MSANTD2: variants seen among roughly 807,000 people sequenced by gnomAD.
MSANTD2 encodes myb/SANT-like DNA-binding domain-containing protein 2.
Under a neutral mutation model 52.6 loss-of-function variants are expected in MSANTD2, and 19 were observed. The ratio of observed to expected loss-of-function variants is 0.36; its 90% CI spans 0.25 to 0.53. The LOEUF (loss-of-function observed/expected upper bound fraction) is 0.53, where lower values mean the gene tolerates loss of function less well. Among genes scored for constraint, MSANTD2 ranks in the 20% least tolerant of loss-of-function variants. The pLI is 0.91. For synonymous variants in MSANTD2, 291 were observed against 289.7 expected (o/e 1.00, Z -0.04); for missense variants, 558 against 716.3 (o/e 0.78, Z 2.52).
At chr11:124,781,791 T>C (rs1481970240) in intron 1 of MSANTD2, among the ~76,000 whole-genome samples, 3 of 152,062 alleles carry the variant, frequency 2.0e-5, no homozygotes, top group Admixed American at 6.6e-5. Context: ...TAGCTGGGAC[T>C]ACAGGCACCC....
chr11:124,771,575 A>G (rs1032205540), intron 3 of MSANTD2, among the ~76,000 whole-genome samples: 4 of 152,282 alleles, frequency 2.6e-5, no homozygotes, highest in Non-Finnish European at 4.4e-5. Flanking sequence ...TTCGAGATCA[A>G]CCTGGCCAAC....
intron 3 of MSANTD2, among the ~76,000 whole-genome samples, chr11:124,769,115 G>C (rs895517391): frequency 6.6e-6 from 1 of 152,156 alleles, no homozygotes; most frequent in African/African-American, 2.4e-5. Context: ...AACGGGCTCT[G>C]GAAGGAGCTT....
rs1490609805 is a variant in MSANTD2, at chr11:124,779,665, T to C, written c.511-4691A>G. ...GCTTAGTTATAATAGCAGGAAACAA[T>C]GTTACAAGAAAAAACAAGCAGTGAA... On this transcript the variant is annotated intron_variant, in intron 1 of 3. Coordinates refer to ENST00000374979, the MANE Select transcript of MSANTD2 (RefSeq NM_001308027.2). The surrounding 1 kb of genome is among the most constrained non-coding windows in gnomAD (Gnocchi z 4.6). Among the ~76,000 whole-genome samples the C allele has an allele frequency of 6.6e-6, 1 of 152,126 alleles. No individual in the cohort carries two copies. The highest frequency in any genetic ancestry group is 1.5e-5 in the Non-Finnish European group (1 of 68,020).
At chr11:124,770,399 A>C (rs971030726) in intron 3 of MSANTD2, among the ~76,000 whole-genome samples, 9 of 151,822 alleles carry the variant, frequency 5.9e-5, no homozygotes, top group Non-Finnish European at 1.0e-4. Context: ...CCCAGACTCA[A>C]GTAACCCCCC....
At chr11:124,780,287 G>A (rs146749735) in intron 1 of MSANTD2, among the ~76,000 whole-genome samples, 6 of 152,292 alleles carry the variant, frequency 3.9e-5, no homozygotes, top group African/African-American at 1.4e-4. Flanking sequence ...TCTGGGGCCA[G>A]CAGAACTTTT....
chr11:124,775,017 C>A, intron 1 of MSANTD2, 43 bp from the exon 2 acceptor site: 4 of 1,511,212 alleles, frequency 2.6e-6, no homozygotes, highest in Non-Finnish European at 3.5e-6. Flanking sequence ...AGCTGTACTT[C>A]CTCTTCCAGG....
Position 124,768,032 on chromosome 11 carries a change from G to T in MSANTD2, c.828-4C>A, listed in dbSNP as rs749419847. ...ATTCTGCATGATGTCTCTCTTCCTG[G>T]AAAGACAAATAAAAGTCAAATTCCC... is the stretch of plus-strand genomic sequence containing the variant. On this transcript the variant is annotated splice_region_variant and splice_polypyrimidine_tract_variant and intron_variant, in intron 3 of 3. Coordinates refer to ENST00000374979, the MANE Select transcript of MSANTD2 (RefSeq NM_001308027.2). The T allele has an allele frequency of 5.7e-6, 9 of 1,591,504 alleles. No homozygotes were observed. The highest frequency in any genetic ancestry group is 7.7e-6 in the Non-Finnish European group (9 of 1,166,410).
At chr11:124,793,248 G>A (rs1465652932) in intron 1 of MSANTD2, among the ~76,000 whole-genome samples, 1 of 152,204 alleles carries the variant, frequency 6.6e-6, no homozygotes, top group African/African-American at 2.4e-5. Context: ...TCAAGAGACA[G>A]TTGATAAAAC....
intron 1 of MSANTD2, chr11:124,783,900 T>G: frequency 1.0e-6 from 1 of 985,382 alleles, no homozygotes; most frequent in Non-Finnish European, 1.2e-6. Context: ...TGGACACTCA[T>G]ACAATGATCT....
Position 124,774,665 on chromosome 11 carries a change from T to TAA in MSANTD2, c.766+52_766+53dup. The stretch of plus-strand genomic sequence containing the variant: ...GGTAATAAGTACTGGTGCACATACA[T>TAA]AAAGGTATATAAATATACACAAACA... On this transcript the variant is annotated intron_variant, in intron 2 of 3. Transcript: ENST00000374979. The surrounding 1 kb of genome is among the most constrained non-coding windows in gnomAD (Gnocchi z 5.1). 1 of 1,554,752 alleles carries TAA rather than the reference T, an allele frequency of 6.4e-7. No homozygotes were observed. The highest frequency in any genetic ancestry group is 8.8e-7 in the Non-Finnish European group (1 of 1,136,124).
chr11:124,778,457 C>T (rs1485077943), intron 1 of MSANTD2, among the ~76,000 whole-genome samples: 1 of 152,192 alleles, frequency 6.6e-6, no homozygotes, highest in Non-Finnish European at 1.5e-5. Flanking sequence ...TGACATGATG[C>T]TGTTGTCTCC....
Position 124,767,869 on chromosome 11 carries a change from A to G in MSANTD2, c.987T>C (p.Arg329=), listed in dbSNP as rs1353974436. 2 of 1,614,140 alleles carry G rather than the reference A, an allele frequency of 1.2e-6. No homozygotes were observed. Among genetic ancestry groups the G allele is most frequent in the Non-Finnish European group, 1.7e-6 (2 of 1,180,052 alleles). ...GYNTRWKEDI[R]YHYAEISSQV... is the part of the protein sequence containing the mutation. ...GGGAGCTGATCTCAGCATAATGGTAACGGATATCCTCTTTCCAACGGGTGT... is the reference window on the plus strand; with the variant it reads ...GGGAGCTGATCTCAGCATAATGGTAGCGGATATCCTCTTTCCAACGGGTGT... The change falls in exon 4 of 4, where the codon CGT becomes CGC. Residue 329 remains arginine (R), a synonymous_variant. Transcript: ENST00000374979. The surrounding 1 kb of genome is among the most constrained non-coding windows in gnomAD (Gnocchi z 6.5).
chr11:124,789,092 G>T (rs1055259058), intron 1 of MSANTD2: 44 of 152,114 alleles, frequency 2.9e-4, no homozygotes, highest in African/African-American at 1.1e-3. Flanking sequence ...TGAATGAATG[G>T]AAAATTCCTT....
rs1351882269 is a variant in MSANTD2 at position 124,779,295 on chromosome 11, T to G, written c.511-4321A>C. 1.3e-5 allele frequency among the ~76,000 whole-genome samples: 2 copies of G among 152,232 alleles called. No homozygotes were observed. Among genetic ancestry groups the G allele is most frequent in the Non-Finnish European group, 2.9e-5 (2 of 68,038 alleles). On this transcript the variant is annotated intron_variant, in intron 1 of 3. Transcript: ENST00000374979. The surrounding 1 kb of genome is among the most constrained non-coding windows in gnomAD (Gnocchi z 4.6). The stretch of plus-strand genomic sequence containing the variant: ...GGGTGAAATTAAGGTTTATTTTGCT[T>G]TAGTGTCCTCCAATCCTTTGACTTT...
chr11:124,770,314 GTTT>G (rs59573200), intron 3 of MSANTD2, among the ~76,000 whole-genome samples: 4,299 of 143,258 alleles, frequency 0.03, 201 homozygotes, highest in African/African-American at 0.1. Flanking sequence ...TTGTTTGTTT[GTTT>G]TTTTTTTTTT....
intron 1 of MSANTD2, among the ~76,000 whole-genome samples, chr11:124,795,431 A>G (rs984852397): frequency 6.6e-6 from 1 of 152,212 alleles, no homozygotes; most frequent in Admixed American, 6.5e-5. Context: ...TCTGGCTCAG[A>G]GTGAATGCTT....
chr11:124,788,523 TAAGG>T (rs1390318559), intron 1 of MSANTD2, among the ~76,000 whole-genome samples: 1 of 152,188 alleles, frequency 6.6e-6, no homozygotes, highest in Non-Finnish European at 1.5e-5. Context: ...ATTACTTACA[TAAGG>T]AAAAAAGTAA....
intron 1 of MSANTD2, chr11:124,791,741 A>G: frequency 2.7e-6 from 2 of 744,330 alleles, no homozygotes; most frequent in Non-Finnish European, 2.3e-6. Flanking sequence ...TGGGGTGAAA[A>G]GGGGAGCCAA....
chr11:124,767,095 C>A lies in MSANTD2; in HGVS notation c.*81G>T, dbSNP rs1944328441. On this transcript the variant is annotated 3_prime_UTR_variant, in exon 4 of 4. Coordinates refer to ENST00000374979, the MANE Select transcript of MSANTD2 (RefSeq NM_001308027.2). This position sits in a 1 kb window ranked among gnomAD's most constrained non-coding sequence, Gnocchi z 6.5. Reference sequence around the variant, plus strand: ...TCCATGAAGAGTCTGACGGCGGCATCTGGATGAGGGGTGGTCCGGGTAATG... The same window carrying A: ...TCCATGAAGAGTCTGACGGCGGCATATGGATGAGGGGTGGTCCGGGTAATG... 2.9e-6 allele frequency: 4 copies of A among 1,393,566 alleles called. No individual in the cohort carries two copies. Among genetic ancestry groups the A allele is most frequent in the Non-Finnish European group, 2.9e-6 (3 of 1,025,842 alleles). 86.3% of individuals were successfully genotyped at this position (1,393,566 alleles called of 1,614,324 possible).
Sources: allele counts gnomAD v4.1 joint callset (sites outside exome capture counted in the v4.1 genomes callset), GRCh38; gene constraint gnomAD v4.1.1; non-coding constraint Gnocchi (gnomAD v3.1); transcripts MANE v1.5; gene names NCBI Gene and HGNC (gene_info 2026-07-23, HGNC 2026-07-21).